MOB3B: variants seen among roughly 807,000 people sequenced by gnomAD.
MOB3B encodes the protein MOB kinase activator-like 2B.
A neutral mutation model predicts 18.7 loss-of-function variants in MOB3B; 7 were observed. The observed-to-expected ratio is 0.37, with a 90% CI of 0.21 to 0.70. The LOEUF (loss-of-function observed/expected upper bound fraction) is 0.70, where lower values mean the gene tolerates loss of function less well. Ranked by LOEUF, MOB3B falls within the 30% of genes least tolerant of loss-of-function variation. MOB3B has a pLI of 0.52. For synonymous variants in MOB3B, 111 were observed against 99.9 expected (o/e 1.11, Z -0.66); for missense variants, 253 against 281.3 (o/e 0.90, Z 0.72).
intron 2 of MOB3B, among the ~76,000 whole-genome samples, chr9:27,424,336 T>A (rs1420910075): frequency 6.6e-6 from 1 of 152,234 alleles, no homozygotes; most frequent in South Asian, 2.1e-4. Context: ...AATGAAGCCA[T>A]GTCCCAAGAC....
At chr9:27,513,865 A>G (rs1204295530) in intron 1 of MOB3B, among the ~76,000 whole-genome samples, 2 of 152,038 alleles carry the variant, frequency 1.3e-5, no homozygotes, top group African/African-American at 4.8e-5. Context: ...CTCCTTGGAG[A>G]TGAAAGGATG....
At chr9:27,340,583 C>T (rs1820925543) in intron 3 of MOB3B, among the ~76,000 whole-genome samples, 1 of 152,124 alleles carries the variant, frequency 6.6e-6, no homozygotes, top group Non-Finnish European at 1.5e-5. Flanking sequence ...CAGCCCACCC[C>T]TCATTCTGCA....
At chr9:27,435,056 T>C (rs1267097005) in intron 2 of MOB3B, among the ~76,000 whole-genome samples, 1 of 48,098 alleles carries the variant, frequency 2.1e-5, no homozygotes, top group Non-Finnish European at 5.6e-5. Context: ...TTTCTCTCTC[T>C]CTCTCTCTCT....
At chr9:27,383,738 T>C (rs1213654224) in intron 2 of MOB3B, among the ~76,000 whole-genome samples, 2 of 152,220 alleles carry the variant, frequency 1.3e-5, no homozygotes, top group Non-Finnish European at 2.9e-5. Flanking sequence ...ATACATTTCC[T>C]GTTCAGGTGC....
At chr9:27,423,644 CAT>C (rs1489928574) in intron 2 of MOB3B, among the ~76,000 whole-genome samples, 1 of 152,196 alleles carries the variant, frequency 6.6e-6, no homozygotes, top group Non-Finnish European at 1.5e-5. Flanking sequence ...ACATTCTTCA[CAT>C]GTGTAATAAC....
chr9:27,527,699 G>C (rs1820457956), intron 1 of MOB3B, among the ~76,000 whole-genome samples: 1 of 152,224 alleles, frequency 6.6e-6, no homozygotes, highest in Non-Finnish European at 1.5e-5. Flanking sequence ...CACAGGAAAA[G>C]CTGGCAACAG....
intron 2 of MOB3B, among the ~76,000 whole-genome samples, chr9:27,424,686 G>A (rs1822301308): frequency 6.6e-6 from 1 of 152,164 alleles, no homozygotes; most frequent in South Asian, 2.1e-4. Flanking sequence ...CTGATGGTGA[G>A]CTTAATGGGA....
chr9:27,339,655 G>A (rs1183316915), intron 3 of MOB3B, among the ~76,000 whole-genome samples: 1 of 152,238 alleles, frequency 6.6e-6, no homozygotes, highest in Non-Finnish European at 1.5e-5. Flanking sequence ...AAGTACCTCG[G>A]CCATGGCCAC....
chr9:27,337,302 C>T (rs1299522001), intron 3 of MOB3B, among the ~76,000 whole-genome samples: 1 of 152,218 alleles, frequency 6.6e-6, no homozygotes, highest in African/African-American at 2.4e-5. Context: ...TAAAAATCTC[C>T]AGATTGTACC....
chr9:27,337,860 T>A (rs1045732323), intron 3 of MOB3B, among the ~76,000 whole-genome samples: 1 of 152,194 alleles, frequency 6.6e-6, no homozygotes. Flanking sequence ...GGTATTGTGG[T>A]AAGGCATTCA....
rs190008517 is a variant in MOB3B, at chr9:27,458,502, C to T, written c.-198-2754G>A. On this transcript the variant is annotated intron_variant, in intron 1 of 3. Transcript: ENST00000262244. Reference sequence around the variant, plus strand: ...TTTTCTTCTAGAGATACTCATATAACAAATTTGAAGATATGTTTTTTTTTT... The same window carrying T: ...TTTTCTTCTAGAGATACTCATATAATAAATTTGAAGATATGTTTTTTTTTT... Among the ~76,000 whole-genome samples, 771 of 145,958 alleles carry T rather than the reference C, an allele frequency of 5.3e-3. 4 individuals are homozygous for T. Among genetic ancestry groups the T allele is most frequent in the African/African-American group, 0.018 (726 of 39,718 alleles).
intron 1 of MOB3B, among the ~76,000 whole-genome samples, chr9:27,516,541 G>T (rs1820237403): frequency 6.6e-6 from 1 of 152,216 alleles, no homozygotes; most frequent in Non-Finnish European, 1.5e-5. Context: ...ACTGAGAATA[G>T]CTGGATTACA....
chr9:27,372,097 G>C (rs1488978626), intron 2 of MOB3B, among the ~76,000 whole-genome samples: 2 of 152,102 alleles, frequency 1.3e-5, no homozygotes, highest in Non-Finnish European at 2.9e-5. Flanking sequence ...TTTAAATAAA[G>C]GAATCAGGGC....
intron 2 of MOB3B, among the ~76,000 whole-genome samples, chr9:27,419,457 C>T (rs2131410274): frequency 6.6e-6 from 1 of 152,094 alleles, no homozygotes; most frequent in East Asian, 1.9e-4. Flanking sequence ...TAAAAATAGG[C>T]ACATACACCA....
chr9:27,444,889 T>A (rs539014256), intron 2 of MOB3B, among the ~76,000 whole-genome samples: 38 of 152,344 alleles, frequency 2.5e-4, no homozygotes, highest in African/African-American at 9.1e-4. Context: ...ATATAATTAT[T>A]ACTGTATTTT....
chr9:27,514,808 C>T (rs1820205972), intron 1 of MOB3B, among the ~76,000 whole-genome samples: 1 of 152,144 alleles, frequency 6.6e-6, no homozygotes, highest in African/African-American at 2.4e-5. Flanking sequence ...TGCCAAGGAA[C>T]TGCATGCCTG....
intron 2 of MOB3B, among the ~76,000 whole-genome samples, chr9:27,399,366 G>A (rs1412862517): frequency 1.3e-5 from 2 of 152,146 alleles, no homozygotes; most frequent in Non-Finnish European, 2.9e-5. Flanking sequence ...GAGAGGAGAC[G>A]ACGAAGCACA....
chr9:27,383,844 G>C (rs1203407131), intron 2 of MOB3B, among the ~76,000 whole-genome samples: 2 of 152,114 alleles, frequency 1.3e-5, no homozygotes, highest in Non-Finnish European at 2.9e-5. Context: ...ACCTATGTTG[G>C]CATGAGATTA....
intron 2 of MOB3B, among the ~76,000 whole-genome samples, chr9:27,395,460 A>T (rs1447623611): frequency 6.6e-6 from 1 of 152,170 alleles, no homozygotes; most frequent in African/African-American, 2.4e-5. Flanking sequence ...TTTTTAAAAA[A>T]AAAAAGACTG....
Sources: gnomAD v4.1 joint callset for allele counts (sites outside exome capture counted in the v4.1 genomes callset) on GRCh38, gnomAD v4.1.1 for gene constraint, MANE v1.5 for transcripts, NCBI Gene and HGNC (gene_info 2026-07-23, HGNC 2026-07-21) for gene names.